The following SH3BP5 variants were observed in gnomAD, a reference collection of about 807,000 sequenced individuals.
SH3BP5 encodes the protein SH3 domain binding protein 5, also known as SH3 domain-binding protein 5.
In SH3BP5, 22 loss-of-function variants were observed where a neutral mutation model predicts 43.3. The ratio of observed to expected loss-of-function variants is 0.51; its 90% CI spans 0.36 to 0.73. SH3BP5 has a LOEUF of 0.73. SH3BP5 is among the 30% of genes least tolerant of loss of function. SH3BP5 has a pLI of 0.00. For synonymous variants in SH3BP5, 255 were observed against 225.8 expected (o/e 1.13, Z -1.16); for missense variants, 529 against 586.9 (o/e 0.90, Z 1.02).
chr3:15,322,828 C>G (rs935438308), intron 2 of SH3BP5, among the ~76,000 whole-genome samples: 6 of 151,454 alleles, frequency 4.0e-5, no homozygotes, highest in African/African-American at 1.5e-4. Context: ...GAGACCAACA[C>G]TGTCTCAGGA....
intron 2 of SH3BP5, among the ~76,000 whole-genome samples, chr3:15,322,603 C>T (rs557298377): frequency 1.2e-4 from 18 of 151,012 alleles, no homozygotes; most frequent in Middle Eastern, 3.6e-3. Flanking sequence ...TTTGGGAAGC[C>T]GAGGCAGGAG....
At chr3:15,320,640 A>ACACACCCC (rs373879792) in intron 2 of SH3BP5, among the ~76,000 whole-genome samples, 1 of 149,560 alleles carries the variant, frequency 6.7e-6, no homozygotes, top group African/African-American at 2.5e-5. Flanking sequence ...ACACACACAC[A>ACACACCCC]CCCCACTACG....
intron 1 of SH3BP5, chr3:15,331,826 C>T (rs1410942869): frequency 6.1e-6 from 1 of 163,496 alleles, no homozygotes; most frequent in Non-Finnish European, 1.3e-5. Context: ...CGGTGCCAGC[C>T]CGCGCTGCAG....
intron 3 of SH3BP5, among the ~76,000 whole-genome samples, chr3:15,281,331 G>A (rs1697123186): frequency 6.6e-6 from 1 of 152,120 alleles, no homozygotes; most frequent in South Asian, 2.1e-4. Flanking sequence ...TTGGACCAGT[G>A]ACAACTGGGC....
intron 4 of SH3BP5, among the ~76,000 whole-genome samples, chr3:15,265,987 A>G (rs1696632897): frequency 6.6e-6 from 1 of 152,182 alleles, no homozygotes; most frequent in South Asian, 2.1e-4. Context: ...AGAATGGCCC[A>G]ACCGGCTTAG....
intron 2 of SH3BP5, among the ~76,000 whole-genome samples, chr3:15,319,774 T>G (rs962876027): frequency 5.3e-5 from 8 of 152,242 alleles, no homozygotes; most frequent in African/African-American, 1.9e-4. Context: ...GCATCCTCTG[T>G]CAGACACAAG....
At chr3:15,311,486 G>A (rs1247374843) in intron 2 of SH3BP5, among the ~76,000 whole-genome samples, 1 of 152,062 alleles carries the variant, frequency 6.6e-6, no homozygotes, top group African/African-American at 2.4e-5. Flanking sequence ...CCTGAACCCA[G>A]GAAGTGGAGG....
intron 3 of SH3BP5, among the ~76,000 whole-genome samples, chr3:15,302,583 C>G (rs1697782032): frequency 6.6e-6 from 1 of 151,972 alleles, no homozygotes; most frequent in Non-Finnish European, 1.5e-5. Context: ...GCAAGGGGCT[C>G]CCTTGAAGAG....
intron 2 of SH3BP5, among the ~76,000 whole-genome samples, chr3:15,319,051 C>T (rs1698255138): frequency 6.6e-6 from 1 of 152,198 alleles, no homozygotes; most frequent in Non-Finnish European, 1.5e-5. Flanking sequence ...TGGAATAGCC[C>T]AAGGGGCTTT....
At chr3:15,338,759 C>G (rs996160540) in intron 1 of SH3BP5, among the ~76,000 whole-genome samples, 3 of 151,964 alleles carry the variant, frequency 2.0e-5, no homozygotes, top group African/African-American at 7.3e-5. Context: ...AAAACAGTGA[C>G]CTAATATGAA....
At chr3:15,325,863 T>C (rs1229796022) in intron 2 of SH3BP5, among the ~76,000 whole-genome samples, 2 of 152,036 alleles carry the variant, frequency 1.3e-5, no homozygotes, top group Admixed American at 6.6e-5. Context: ...TTCCTAAAAA[T>C]ACAAAAATTA....
At chr3:15,279,943 C>T (rs912621909) in intron 3 of SH3BP5, among the ~76,000 whole-genome samples, 2 of 152,172 alleles carry the variant, frequency 1.3e-5, no homozygotes, top group Non-Finnish European at 2.9e-5. Flanking sequence ...CTGCCTTAAG[C>T]TGGCACTATT....
intron 2 of SH3BP5, among the ~76,000 whole-genome samples, chr3:15,330,048 G>A (rs878912027): frequency 5.3e-5 from 8 of 152,176 alleles, no homozygotes; most frequent in African/African-American, 1.7e-4. Context: ...AGAAGGAGGC[G>A]GGGGGTGAGT....
chr3:15,263,383 C>G (rs1008936453), intron 4 of SH3BP5, among the ~76,000 whole-genome samples: 5 of 152,214 alleles, frequency 3.3e-5, no homozygotes, highest in Admixed American at 2.0e-4. Flanking sequence ...GCAGTCAAGC[C>G]AGCAAAGCAG....
intron 3 of SH3BP5, among the ~76,000 whole-genome samples, chr3:15,297,134 A>G (rs919193587): frequency 3.3e-5 from 5 of 152,166 alleles, no homozygotes; most frequent in Non-Finnish European, 5.9e-5. Context: ...TTCATTCAAA[A>G]CACGATTCTC....
At chr3:15,277,608 C>T (rs758229453) in intron 3 of SH3BP5, among the ~76,000 whole-genome samples, 16 of 152,128 alleles carry the variant, frequency 1.1e-4, no homozygotes, top group Non-Finnish European at 1.8e-4. Context: ...GTCTCACCTG[C>T]TCTGAGGAAC....
chr3:15,298,727 C>T (rs1401614298), intron 3 of SH3BP5, among the ~76,000 whole-genome samples: 3 of 152,074 alleles, frequency 2.0e-5, no homozygotes, highest in African/African-American at 7.3e-5. Context: ...TTCCTCAGTA[C>T]TTATATGAGG....
At chr3:15,302,014 T>C (rs1697768031) in intron 3 of SH3BP5, among the ~76,000 whole-genome samples, 1 of 152,058 alleles carries the variant, frequency 6.6e-6, no homozygotes, top group South Asian at 2.1e-4. Context: ...GAACCATAAA[T>C]CCCAGTGTTA....
At chr3:15,307,566 A>G (rs1333907409) in intron 2 of SH3BP5, among the ~76,000 whole-genome samples, 5 of 152,260 alleles carry the variant, frequency 3.3e-5, no homozygotes, top group Non-Finnish European at 7.3e-5. Flanking sequence ...AATGTAAAAC[A>G]TTTAACAATT....
Sources: allele counts gnomAD v4.1 joint callset (sites outside exome capture counted in the v4.1 genomes callset), GRCh38; gene constraint gnomAD v4.1.1; transcripts MANE v1.5; gene names NCBI Gene and HGNC (gene_info 2026-07-23, HGNC 2026-07-21).